The following RASA2 variants were observed in gnomAD, a reference collection of about 807,000 sequenced individuals.
RASA2 encodes the protein RAS p21 protein activator 2.
Under a neutral mutation model 118.2 loss-of-function variants are expected in RASA2, and 155 were observed. The ratio of observed to expected loss-of-function variants is 1.31; its 90% CI spans 1.15 to 1.50. RASA2 has a LOEUF of 1.50. RASA2 is among the 40% of genes most tolerant of loss of function. RASA2 has a pLI of 0.00. For missense variants in RASA2, 1,016 were observed against 1,009.6 expected (o/e 1.01, Z -0.09); for synonymous variants, 353 against 349.1 (o/e 1.01, Z -0.12).
Position 141,579,211 on chromosome 3 carries a change from G to T in RASA2, c.1591-1157G>T, listed in dbSNP as rs116601078. 8.0e-3 allele frequency among the ~76,000 whole-genome samples: 1,214 copies of T among 152,244 alleles called. 25 individuals are homozygous for T. Among genetic ancestry groups the T allele is most frequent in the African/African-American group, 0.028 (1,178 of 41,540 alleles). On this transcript the variant is annotated intron_variant, in intron 15 of 23. Coordinates refer to ENST00000286364, the MANE Select transcript of RASA2 (RefSeq NM_006506.5). ...AATTTTTCTGGATATGTTTTTAGAT[G>T]CAAGATACTGTTTACTTGAATCCGT... is the stretch of plus-strand genomic sequence containing the variant.
At chr3:141,576,002 C>T (rs139159611) in intron 14 of RASA2, among the ~76,000 whole-genome samples, 2,053 of 152,294 alleles carry the variant, frequency 0.013, 21 homozygotes, top group Non-Finnish European at 0.022. Flanking sequence ...GTCTCAAACT[C>T]CTGACCTCAG....
chr3:141,487,764 G>C (rs532379102), intron 1 of RASA2, among the ~76,000 whole-genome samples: 1 of 152,182 alleles, frequency 6.6e-6, no homozygotes, highest in East Asian at 1.9e-4. Context: ...TGAAAAAGGC[G>C]CCCTGAGCTG....
At chr3:141,495,556 A>G (rs560834166) in intron 1 of RASA2, among the ~76,000 whole-genome samples, 1 of 152,250 alleles carries the variant, frequency 6.6e-6, no homozygotes, top group African/African-American at 2.4e-5. Context: ...CAAAAAAAGG[A>G]AAGTTTATCT....
chr3:141,496,611 T>C (rs532035436), intron 1 of RASA2, among the ~76,000 whole-genome samples: 1 of 152,158 alleles, frequency 6.6e-6, no homozygotes, highest in African/African-American at 2.4e-5. Flanking sequence ...AAAACCACAA[T>C]GAGATACTAT....
At chr3:141,510,510 A>G (rs1361914091) in intron 1 of RASA2, among the ~76,000 whole-genome samples, 3 of 152,264 alleles carry the variant, frequency 2.0e-5, no homozygotes, top group Admixed American at 6.5e-5. Flanking sequence ...GGGAACCAAA[A>G]AATAAACACT....
At chr3:141,574,119 T>A (rs755484101) in intron 14 of RASA2, 52 bp downstream of exon 14, 1 of 1,231,428 alleles carries the variant, frequency 8.1e-7, no homozygotes, top group Non-Finnish European at 1.1e-6. Context: ...TTGACTTTTT[T>A]ATAGATATTA....
intron 1 of RASA2, among the ~76,000 whole-genome samples, chr3:141,487,450 G>C (rs914457676): frequency 6.6e-6 from 1 of 151,854 alleles, no homozygotes; most frequent in African/African-American, 2.4e-5. Flanking sequence ...GCTGGAGATG[G>C]GCCTGGGGTG....
intron 1 of RASA2, among the ~76,000 whole-genome samples, chr3:141,502,806 C>T (rs2081803459): frequency 6.6e-6 from 1 of 152,134 alleles, no homozygotes; most frequent in Non-Finnish European, 1.5e-5. Context: ...TGGCTCTTTG[C>T]AGTTTTTCTA....
chr3:141,581,584 C>T (rs2083114568), intron 17 of RASA2, among the ~76,000 whole-genome samples: 1 of 152,172 alleles, frequency 6.6e-6, no homozygotes, highest in South Asian at 2.1e-4. Flanking sequence ...AACATGCCTC[C>T]AGGTATTGCC....
chr3:141,510,824 A>G (rs2081940139), intron 1 of RASA2, among the ~76,000 whole-genome samples: 1 of 152,218 alleles, frequency 6.6e-6, no homozygotes, highest in African/African-American at 2.4e-5. Context: ...AGAGACCATT[A>G]AGTAGGGCTT....
chr3:141,526,469 C>T (rs993127800), intron 3 of RASA2, among the ~76,000 whole-genome samples: 2 of 151,978 alleles, frequency 1.3e-5, no homozygotes, highest in African/African-American at 4.8e-5. Context: ...GTCTTCTCCT[C>T]TCCCTCTTCC....
intron 4 of RASA2, among the ~76,000 whole-genome samples, chr3:141,537,202 C>T (rs182453422): frequency 1.1e-4 from 16 of 150,424 alleles, no homozygotes; most frequent in Admixed American, 5.3e-4. Context: ...TTCTTTTTTT[C>T]TCTTCTCTGC....
At chr3:141,488,193 GATGAAGTGCTTTTTGTTT>G (rs2081601734) in intron 1 of RASA2, among the ~76,000 whole-genome samples, 1 of 151,918 alleles carries the variant, frequency 6.6e-6, no homozygotes. Context: ...GGTTTATTTA[GATGAAGTGCTTTTTGTTT>G]TCTGTTTGTA....
At chr3:141,602,870 A>G (rs2083487700) in intron 19 of RASA2, among the ~76,000 whole-genome samples, 1 of 152,194 alleles carries the variant, frequency 6.6e-6, no homozygotes, top group African/African-American at 2.4e-5. Flanking sequence ...ACTCTGGGAT[A>G]TTCCACATAC....
chr3:141,602,764 G>C (rs1268469065), intron 19 of RASA2, among the ~76,000 whole-genome samples: 1 of 152,136 alleles, frequency 6.6e-6, no homozygotes, highest in Non-Finnish European at 1.5e-5. Flanking sequence ...TACCTCAAAG[G>C]CTTCCACCCT....
Position 141,586,082 on chromosome 3 carries a change from G to T in RASA2, c.1810G>T (p.Val604Leu), listed in dbSNP as rs1386137475. 1 of 1,607,564 alleles carries T rather than the reference G, an allele frequency of 6.2e-7. No individual in the cohort carries two copies. Among genetic ancestry groups the T allele is most frequent in the African/African-American group, 1.3e-5 (1 of 74,886 alleles). ...AGAGTCCAGTGGTACGAGTGAGCCT[G>T]TGCACCTGAAAGAAGGGTAATTTAA... is the stretch of plus-strand genomic sequence containing the variant. ...TKESSGTSEP[V>L]HLKEGEMYKR... The change falls in exon 18 of 24, where the codon GTG becomes TTG. Residue 604 changes from valine to leucine, a missense_variant. Transcript: ENST00000286364.
In RASA2 at chr3:141,612,436, C is replaced by A. The variant is rs576079892; in HGVS notation, c.*123C>A. 49 of 706,622 alleles carry A rather than the reference C, an allele frequency of 6.9e-5. No individual in the cohort carries two copies. The highest frequency in any genetic ancestry group is 6.4e-4 in the Admixed American group (19 of 29,482). 43.8% of individuals were successfully genotyped at this position (706,622 alleles called of 1,614,324 possible). ...TCCGCTTCAATGTCATCTGCCTCCA[C>A]ATTGTATTTAATATTTAATAATTGA... On this transcript the variant is annotated 3_prime_UTR_variant, in exon 24 of 24. Transcript: ENST00000286364.
At chr3:141,557,386 A>G (rs2082665784) in intron 7 of RASA2, among the ~76,000 whole-genome samples, 1 of 152,222 alleles carries the variant, frequency 6.6e-6, no homozygotes, top group African/African-American at 2.4e-5. Context: ...ATTTTCTAAG[A>G]TTGAGGAAAG....
rs183345330 is a variant in RASA2, at chr3:141,503,386, G to A, written c.134-8777G>A. Among the ~76,000 whole-genome samples, 603 of 152,210 alleles carry A rather than the reference G, an allele frequency of 4.0e-3. 2 individuals are homozygous for A. Among genetic ancestry groups the A allele is most frequent in the African/African-American group, 0.014 (583 of 41,512 alleles). On this transcript the variant is annotated intron_variant, in intron 1 of 23. Transcript: ENST00000286364. ...TTTTGTCCTAGATAAAATTTATATG[G>A]TAGGATTTGAATTTACTGTCTGATG... is the stretch of plus-strand genomic sequence containing the variant.
Sources: gnomAD v4.1 joint callset for allele counts (sites outside exome capture counted in the v4.1 genomes callset) on GRCh38, gnomAD v4.1.1 for gene constraint, MANE v1.5 for transcripts, NCBI Gene and HGNC (gene_info 2026-07-23, HGNC 2026-07-21) for gene names.